Variants in ITGA2 observed in about 807,000 individuals in gnomAD.
ITGA2 encodes integrin subunit alpha 2.
A neutral mutation model predicts 146.3 loss-of-function variants in ITGA2; 101 were observed. The ratio of observed to expected loss-of-function variants is 0.69; its 90% CI spans 0.59 to 0.81. The LOEUF is 0.81. Among genes scored for constraint, ITGA2 ranks in the 40% least tolerant of loss-of-function variants. ITGA2 has a pLI of 0.00. For synonymous variants in ITGA2, 477 were observed against 487.1 expected (o/e 0.98, Z 0.27); for missense variants, 1,281 against 1,402.7 (o/e 0.91, Z 1.39).
chr5:52,989,506 T>G lies in ITGA2; in HGVS notation c.38T>G (p.Leu13Arg). 6.2e-7 allele frequency: 1 copy of G among 1,613,332 alleles called. No individual in the cohort carries two copies. The change falls in exon 1 of 30, where the codon CTG becomes CGG. Residue 13 changes from leucine to arginine, a missense_variant. Around this residue, in one of 3 missense-constraint regions of ITGA2, gnomAD observed 795 missense variants for 841.7 expected, o/e 0.94. Coordinates refer to ENST00000296585, the MANE Select transcript of ITGA2 (RefSeq NM_002203.4). ...PERTGAAPLP[L>R]LLVLALSQGI... Reference sequence around the variant, plus strand: ...CGGACAGGGGCCGCGCCGCTGCCGCTGCTGCTGGTGTTAGCGCTCAGTCAA... The same window carrying G: ...CGGACAGGGGCCGCGCCGCTGCCGCGGCTGCTGGTGTTAGCGCTCAGTCAA...
intron 1 of ITGA2, among the ~76,000 whole-genome samples, chr5:53,011,413 G>A (rs1742118148): frequency 6.6e-6 from 1 of 152,140 alleles, no homozygotes. Context: ...ACAGACTAAA[G>A]TACTGTTAGG....
intron 17 of ITGA2, among the ~76,000 whole-genome samples, chr5:53,071,613 A>G (rs3212691): frequency 8.6e-5 from 13 of 151,956 alleles, no homozygotes; most frequent in Non-Finnish European, 1.8e-4. Flanking sequence ...GAAAAGGCAA[A>G]TTCAAATGTT....
rs1746018925 is a variant in ITGA2 at position 53,083,427 on chromosome 5, A to G, written c.3232A>G (p.Arg1078Gly). Residue 1078 changes from arginine (R) to glycine (G), a missense_variant, in exon 27 of 30, where the codon AGA becomes GGA. By Grantham distance (125) the Arg-to-Gly change is moderately radical (BLOSUM62 -2). Transcript: ENST00000296585. ...KGEYFVNVTT[R>G]IWNGTFASST... ...AGAATACTTTGTTAATGTGACTACC[A>G]GAATTTGGAACGGGACTTTCGCATC... 6.2e-7 allele frequency: 1 copy of G among 1,609,732 alleles called. No homozygotes were observed. The highest frequency in any genetic ancestry group is 1.7e-4 in the Middle Eastern group (1 of 6,048).
At chr5:53,028,462 G>C (rs140908860) in intron 2 of ITGA2, among the ~76,000 whole-genome samples, 6 of 152,324 alleles carry the variant, frequency 3.9e-5, no homozygotes, top group South Asian at 2.1e-4. Context: ...ATACGAGAGA[G>C]AGTTGCATGT....
intron 2 of ITGA2, among the ~76,000 whole-genome samples, chr5:53,040,133 G>T (rs967710842): frequency 5.3e-5 from 8 of 152,240 alleles, no homozygotes; most frequent in South Asian, 2.1e-4. Context: ...GCAAGAAACA[G>T]CATGTATGAA....
At chr5:53,035,734 T>G (rs1743457490) in intron 2 of ITGA2, among the ~76,000 whole-genome samples, 3 of 152,310 alleles carry the variant, frequency 2.0e-5, no homozygotes, top group African/African-American at 7.2e-5. Context: ...AGGTACCATT[T>G]AGAGCTCACC....
chr5:53,088,612 C>T (rs752005604), intron 28 of ITGA2, among the ~76,000 whole-genome samples: 5 of 145,636 alleles, frequency 3.4e-5, no homozygotes, highest in Non-Finnish European at 5.9e-5. Context: ...CTTGAACCTG[C>T]GAGGCAGAGG....
chr5:53,018,355 G>A (rs964105118), intron 1 of ITGA2, among the ~76,000 whole-genome samples: 2 of 152,138 alleles, frequency 1.3e-5, no homozygotes, highest in Admixed American at 6.5e-5. Context: ...CGTGGGGGTC[G>A]TGAGTTCCGC....
At chr5:53,079,438 AC>A (rs1745811184) in intron 24 of ITGA2, among the ~76,000 whole-genome samples, 1 of 152,198 alleles carries the variant, frequency 6.6e-6, no homozygotes. Flanking sequence ...AATTCTATTT[AC>A]TATTAGTAAG....
chr5:53,056,024 A>T lies in ITGA2; in HGVS notation c.971A>T (p.Asn324Ile). 2 of 1,609,396 alleles carry T rather than the reference A, an allele frequency of 1.2e-6. No individual in the cohort carries two copies. Among genetic ancestry groups the T allele is most frequent in the Non-Finnish European group, 1.7e-6 (2 of 1,178,052 alleles). ...AACAGAAACGCCCTTGATACTAAAA[A>T]TTTAATAAAAGAAATAAAAGCAATC... ...YLNRNALDTK[N>I]LIKEIKAIAS... The change falls in exon 9 of 30, where the codon AAT (asparagine) becomes ATT (isoleucine). Residue 324 changes from asparagine (N) to isoleucine (I), a missense_variant. Transcript: ENST00000296585.
intron 17 of ITGA2, among the ~76,000 whole-genome samples, chr5:53,070,984 A>G (rs1745364653): frequency 6.6e-6 from 1 of 151,906 alleles, no homozygotes; most frequent in Non-Finnish European, 1.5e-5. Context: ...GGAAATGTAT[A>G]TTCTGGGTTC....
chr5:53,060,912 G>C lies in ITGA2; in HGVS notation c.1324G>C (p.Ala442Pro). 6.2e-7 allele frequency: 1 copy of C among 1,612,292 alleles called. No individual in the cohort carries two copies. The highest frequency in any genetic ancestry group is 1.3e-5 in the African/African-American group (1 of 74,864). ...TCCTTCCCTTTTAGGTTACTCTGTG[G>C]CTGCAATTTCTACTGGAGAAAGCAC... is the stretch of plus-strand genomic sequence containing the variant. Reference protein sequence around the residue: ...NHSSYLGYSVAAISTGESTHF... With the variant: ...NHSSYLGYSVPAISTGESTHF... The change falls in exon 12 of 30, where the codon GCT becomes CCT. Residue 442 changes from alanine to proline, a missense_variant. By Grantham distance (27) the Ala-to-Pro change is conservative (BLOSUM62 -1). Around this residue, in one of 3 missense-constraint regions of ITGA2, gnomAD observed 795 missense variants for 841.7 expected, o/e 0.94. Coordinates refer to ENST00000296585, the MANE Select transcript of ITGA2 (RefSeq NM_002203.4).
In ITGA2 at chr5:53,091,749, T is replaced by G. The variant is rs2112057675; in HGVS notation, c.*1150T>G. Reference sequence around the variant, plus strand: ...AATTACTGTATATAAACTCCTTAACTTCAGGGAGCTATTTTCATTTAGTGC... The same window carrying G: ...AATTACTGTATATAAACTCCTTAACGTCAGGGAGCTATTTTCATTTAGTGC... On this transcript the variant is annotated 3_prime_UTR_variant, in exon 30 of 30. Transcript: ENST00000296585. 6.6e-6 allele frequency: 1 copy of G among 152,324 alleles called. No individual in the cohort carries two copies. The highest frequency in any genetic ancestry group is 2.1e-4 in the South Asian group (1 of 4,822). 9.4% of individuals were successfully genotyped at this position (152,324 alleles called of 1,614,324 possible).
In ITGA2 at chr5:53,065,003, A is replaced by G; in HGVS notation, c.1694A>G (p.Asn565Ser). Reference sequence around the variant, plus strand: ...GCAATTGCAGCTCTTTCAGACATCAACATGGATGGCTTTAATGATGTGATT... The same window carrying G: ...GCAATTGCAGCTCTTTCAGACATCAGCATGGATGGCTTTAATGATGTGATT... The part of the protein sequence containing the change: ...GSAIAALSDI[N>S]MDGFNDVIVG... The change falls in exon 14 of 30, where the codon AAC becomes AGC. Residue 565 changes from asparagine to serine, a missense_variant. Asn to Ser is a conservative substitution (Grantham distance 46). This residue lies in a region of ITGA2 where 795 missense variants were observed against 841.7 expected (regional missense o/e 0.94). Coordinates refer to ENST00000296585, the MANE Select transcript of ITGA2 (RefSeq NM_002203.4). The G allele has an allele frequency of 6.2e-7, 1 of 1,612,936 alleles. No homozygotes were observed. Among genetic ancestry groups the G allele is most frequent in the East Asian group, 2.2e-5 (1 of 44,824 alleles).
At chr5:53,037,510 A>G (rs1016684338) in intron 2 of ITGA2, among the ~76,000 whole-genome samples, 16 of 152,300 alleles carry the variant, frequency 1.1e-4, no homozygotes, top group African/African-American at 3.8e-4. Context: ...TCATAGAGAA[A>G]TATAACAGCC....
intron 1 of ITGA2, among the ~76,000 whole-genome samples, chr5:53,024,088 G>T (rs1742817369): frequency 6.6e-6 from 1 of 152,260 alleles, no homozygotes; most frequent in South Asian, 2.1e-4. Flanking sequence ...TGAGAGATGA[G>T]CCAAACCTAG....
chr5:52,998,246 G>A (rs1579774117), intron 1 of ITGA2, among the ~76,000 whole-genome samples: 1 of 152,220 alleles, frequency 6.6e-6, no homozygotes, highest in African/African-American at 2.4e-5. Context: ...GAGGTCAGGA[G>A]TTCAAGACCA....
rs1158339740 is a variant in ITGA2, at chr5:53,081,166, C to T, written c.3040-426C>T. Among the ~76,000 whole-genome samples, 3 of 152,284 alleles carry T rather than the reference C, an allele frequency of 2.0e-5. No homozygotes were observed. In the East Asian group the frequency reaches 5.8e-4, roughly 29 times the overall value. On this transcript the variant is annotated intron_variant, in intron 25 of 29. Coordinates refer to ENST00000296585, the MANE Select transcript of ITGA2 (RefSeq NM_002203.4). ...CCACACCATGGTTCTAACACGCAAC[C>T]TGGGCTGAGAAGCGCTGCTCTAGCC...
At chr5:53,077,978 A>G (rs1745738372) in intron 23 of ITGA2, among the ~76,000 whole-genome samples, 2 of 151,934 alleles carry the variant, frequency 1.3e-5, no homozygotes, top group Non-Finnish European at 1.5e-5. Flanking sequence ...CAAAGAAGCT[A>G]CCCTGGTTGG....
Sources: allele counts gnomAD v4.1 joint callset (sites outside exome capture counted in the v4.1 genomes callset), GRCh38; gene constraint gnomAD v4.1.1; regional missense constraint gnomAD v4.1.1; transcripts MANE v1.5; gene names NCBI Gene and HGNC (gene_info 2026-07-23, HGNC 2026-07-21).